The following NRG1 variants were observed in gnomAD, a reference collection of about 807,000 sequenced individuals.
NRG1 encodes the protein neuregulin 1.
Under a neutral mutation model 63.8 loss-of-function variants are expected in NRG1, and 18 were observed. The ratio of observed to expected loss-of-function variants is 0.28; its 90% CI spans 0.19 to 0.42. The LOEUF (loss-of-function observed/expected upper bound fraction) is 0.42, where lower values mean the gene tolerates loss of function less well. NRG1 is among the 10% of genes least tolerant of loss of function. The pLI is 1.00. For synonymous variants in NRG1, 302 were observed against 301.3 expected (o/e 1.00, Z -0.02); for missense variants, 762 against 814.7 (o/e 0.94, Z 0.79).
chr8:31,803,471 G>C (rs1048244123), intron 1 of NRG1, among the ~76,000 whole-genome samples: 5 of 151,976 alleles, frequency 3.3e-5, no homozygotes, highest in African/African-American at 4.8e-5. Context: ...CATCACCTTG[G>C]GTAACTTTCT....
At chr8:32,631,143 G>A (rs994689465) in intron 5 of NRG1, among the ~76,000 whole-genome samples, 18 of 151,040 alleles carry the variant, frequency 1.2e-4, no homozygotes, top group African/African-American at 3.9e-4. Flanking sequence ...TCTCATTTAT[G>A]TACAGATACT....
At chr8:32,148,519 C>T (rs1293537682) in intron 1 of NRG1, among the ~76,000 whole-genome samples, 1 of 152,216 alleles carries the variant, frequency 6.6e-6, no homozygotes, top group Non-Finnish European at 1.5e-5. Context: ...CTGCCTCAGC[C>T]TCCCTAGTAG....
At chr8:32,329,120 C>G (rs1405886510) in intron 1 of NRG1, among the ~76,000 whole-genome samples, 1 of 152,156 alleles carries the variant, frequency 6.6e-6, no homozygotes, top group African/African-American at 2.4e-5. Context: ...GCATGCATCA[C>G]CATGCCTGGC....
chr8:32,647,657 G>C, intron 5 of NRG1: 1 of 1,499,482 alleles, frequency 6.7e-7, no homozygotes, highest in Non-Finnish European at 8.9e-7. Context: ...ATTTGGTTGG[G>C]GGGGCCTCTG....
At chr8:32,464,941 G>T (rs1362888369) in intron 1 of NRG1, among the ~76,000 whole-genome samples, 2 of 152,112 alleles carry the variant, frequency 1.3e-5, no homozygotes, top group Non-Finnish European at 2.9e-5. Flanking sequence ...TTGGGAGGCC[G>T]AGGTGGGTGG....
chr8:32,679,872 C>G (rs1296847535), intron 5 of NRG1, among the ~76,000 whole-genome samples: 1 of 152,170 alleles, frequency 6.6e-6, no homozygotes, highest in Non-Finnish European at 1.5e-5. Context: ...ATATGTTTAT[C>G]CCTGCGAGCT....
chr8:32,687,598 C>G (rs1382497746), intron 5 of NRG1, among the ~76,000 whole-genome samples: 1 of 152,170 alleles, frequency 6.6e-6, no homozygotes, highest in Non-Finnish European at 1.5e-5. Context: ...CAGGGACCCT[C>G]TAGTTGCCTG....
intron 1 of NRG1, among the ~76,000 whole-genome samples, chr8:31,654,819 C>T (rs1458578022): frequency 2.6e-5 from 4 of 152,136 alleles, no homozygotes; most frequent in Non-Finnish European, 4.4e-5. Context: ...TGTGCACCTT[C>T]AGTCCTAGCT....
intron 1 of NRG1, among the ~76,000 whole-genome samples, chr8:32,167,004 G>T (rs771923822): frequency 2.0e-5 from 3 of 152,120 alleles, no homozygotes; most frequent in Admixed American, 6.5e-5. Context: ...TTAGGTCCAT[G>T]TGCAGCCCAG....
chr8:31,868,448 T>C (rs1829186074), intron 1 of NRG1, among the ~76,000 whole-genome samples: 1 of 152,198 alleles, frequency 6.6e-6, no homozygotes, highest in Non-Finnish European at 1.5e-5. Flanking sequence ...CCACCTCTGA[T>C]TGCGTAGTAA....
intron 1 of NRG1, among the ~76,000 whole-genome samples, chr8:32,501,534 T>C (rs911388716): frequency 6.6e-6 from 1 of 152,178 alleles, no homozygotes; most frequent in East Asian, 1.9e-4. Flanking sequence ...AAGACTTCAT[T>C]TGGAATTTGA....
chr8:32,630,423 G>T (rs1850060214), intron 5 of NRG1, among the ~76,000 whole-genome samples: 1 of 152,160 alleles, frequency 6.6e-6, no homozygotes, highest in Non-Finnish European at 1.5e-5. Context: ...CTACCTCCCA[G>T]TGCGCACACA....
At chr8:32,137,414 C>T (rs761470883) in intron 1 of NRG1, among the ~76,000 whole-genome samples, 26 of 151,924 alleles carry the variant, frequency 1.7e-4, no homozygotes, top group Non-Finnish European at 3.1e-4. Flanking sequence ...TGTACTCTAG[C>T]CTGGGAGACA....
chr8:31,724,120 T>C, intron 1 of NRG1, among the ~76,000 whole-genome samples: 1 of 152,106 alleles, frequency 6.6e-6, no homozygotes. Context: ...GGCATGGTGG[T>C]TCATGACTGT....
chr8:31,993,231 GGGGA>G (rs1811382936), intron 1 of NRG1, among the ~76,000 whole-genome samples: 1 of 151,970 alleles, frequency 6.6e-6, no homozygotes, highest in Non-Finnish European at 1.5e-5. Flanking sequence ...CAGAGAAAGT[GGGGA>G]GCTCTGGGGC....
chr8:32,754,302 C>T, intron 7 of NRG1, 70 bp from the exon 8 acceptor site: 4 of 1,308,058 alleles, frequency 3.1e-6, no homozygotes, highest in East Asian at 4.7e-5. Flanking sequence ...AGCATGCCCA[C>T]TGTTTGGTTG....
intron 1 of NRG1, among the ~76,000 whole-genome samples, chr8:32,478,753 G>T (rs1369205418): frequency 6.6e-6 from 1 of 152,126 alleles, no homozygotes; most frequent in African/African-American, 2.4e-5. Context: ...ATTGTCCTTT[G>T]GCATTAAAAT....
At chr8:31,799,071 T>A (rs971677487) in intron 1 of NRG1, among the ~76,000 whole-genome samples, 4 of 152,184 alleles carry the variant, frequency 2.6e-5, no homozygotes. Flanking sequence ...GATTGCCACA[T>A]GCTGTATATT....
At chr8:32,536,917 C>T (rs1832032241) in intron 1 of NRG1, among the ~76,000 whole-genome samples, 1 of 51,614 alleles carries the variant, frequency 1.9e-5, no homozygotes, top group African/African-American at 1.1e-4. Flanking sequence ...AGCAAGACTC[C>T]GTCTCAAAAA....
Sources: gnomAD v4.1 joint callset for allele counts (sites outside exome capture counted in the v4.1 genomes callset) on GRCh38, gnomAD v4.1.1 for gene constraint, MANE v1.5 for transcripts, NCBI Gene and HGNC (gene_info 2026-07-23, HGNC 2026-07-21) for gene names.